Variants in PRKCA observed in about 807,000 individuals in gnomAD.
PRKCA encodes protein kinase C alpha.
A neutral mutation model predicts 87.0 loss-of-function variants in PRKCA; 27 were observed. That is an observed-to-expected ratio of 0.31 (90% CI 0.23 to 0.43). The LOEUF is 0.43. PRKCA is among the 20% of genes least tolerant of loss of function. PRKCA has a pLI of 1.00. For missense variants in PRKCA, 518 were observed against 852.3 expected (o/e 0.61, Z 4.88); for synonymous variants, 329 against 311.1 (o/e 1.06, Z -0.61).
chr17:66,681,645 A>G (rs1318342097), intron 5 of PRKCA, among the ~76,000 whole-genome samples: 1 of 152,208 alleles, frequency 6.6e-6, no homozygotes, highest in Non-Finnish European at 1.5e-5. Flanking sequence ...ACAGATGAAT[A>G]AACTGCGAAG....
chr17:66,609,526 C>G (rs1216136567), intron 3 of PRKCA, among the ~76,000 whole-genome samples: 1 of 152,212 alleles, frequency 6.6e-6, no homozygotes, highest in Non-Finnish European at 1.5e-5. Flanking sequence ...TTCTAAAGCT[C>G]TTTACCACAG....
chr17:66,702,130 A>C lies in PRKCA; in HGVS notation c.918+13083A>C, dbSNP rs191197399. ...ATACATATCTCATTTATGTGTGTGC[A>C]TATTCATATATATATATATACACAC... On this transcript the variant is annotated intron_variant, in intron 8 of 16. Coordinates refer to ENST00000413366, the MANE Select transcript of PRKCA (RefSeq NM_002737.3). Among the ~76,000 whole-genome samples, 5 of 152,098 alleles carry C rather than the reference A, an allele frequency of 3.3e-5. No homozygotes were observed. The East Asian group carries it at 9.6e-4, about 29-fold the overall frequency.
At chr17:66,699,502 C>T (rs1381180821) in intron 8 of PRKCA, among the ~76,000 whole-genome samples, 1 of 152,160 alleles carries the variant, frequency 6.6e-6, no homozygotes, top group Non-Finnish European at 1.5e-5. Flanking sequence ...TCTGAGTAGG[C>T]CAATAATGAG....
intron 2 of PRKCA, among the ~76,000 whole-genome samples, chr17:66,424,897 G>A (rs1270756640): frequency 6.6e-6 from 1 of 151,864 alleles, no homozygotes; most frequent in Non-Finnish European, 1.5e-5. Context: ...CTACAGTCCT[G>A]CACCACCGTG....
Position 66,302,812 on chromosome 17 carries a change from G to A in PRKCA, c.-40G>A, listed in dbSNP as rs1169708171. 6.9e-6 allele frequency: 8 copies of A among 1,163,816 alleles called. 1 individual carries two copies. In the African/African-American group the frequency reaches 1.3e-4, roughly 19 times the overall value. 72.1% of individuals were successfully genotyped at this position (1,163,816 alleles called of 1,614,324 possible). A position where few individuals can be genotyped will look rare whatever the true frequency, so the allele number is the denominator to read the frequency against. ...CCCGCCCACCCGGCCCTCCGCGGCC[G>A]CAGCTCCCCGGCGGAGGCAAGAGGT... On this transcript the variant is annotated 5_prime_UTR_variant, in exon 1 of 17. Coordinates refer to ENST00000413366, the MANE Select transcript of PRKCA (RefSeq NM_002737.3).
chr17:66,386,103 A>G (rs1036526226), intron 2 of PRKCA, among the ~76,000 whole-genome samples: 1 of 151,960 alleles, frequency 6.6e-6, no homozygotes, highest in African/African-American at 2.4e-5. Flanking sequence ...CTATAGGTTC[A>G]TTTTGCAGAT....
At chr17:66,795,785 A>C (rs1975651596) in intron 16 of PRKCA, among the ~76,000 whole-genome samples, 1 of 152,218 alleles carries the variant, frequency 6.6e-6, no homozygotes, top group Non-Finnish European at 1.5e-5. Context: ...AAATCCTCTA[A>C]ATCTGGCCAT....
At chr17:66,781,378 TG>T (rs1292453614) in intron 14 of PRKCA, among the ~76,000 whole-genome samples, 1 of 152,144 alleles carries the variant, frequency 6.6e-6, no homozygotes, top group Non-Finnish European at 1.5e-5. Context: ...AAGACTGTGA[TG>T]GCAGCTGCTC....
intron 3 of PRKCA, among the ~76,000 whole-genome samples, chr17:66,532,714 C>G (rs952866337): frequency 4.6e-5 from 7 of 152,134 alleles, no homozygotes; most frequent in African/African-American, 1.2e-4. Context: ...TGGGGTAAAA[C>G]CCTACTGCAA....
At chr17:66,769,652 T>C (rs1470427311) in intron 13 of PRKCA, among the ~76,000 whole-genome samples, 1 of 152,182 alleles carries the variant, frequency 6.6e-6, no homozygotes, top group Admixed American at 6.5e-5. Flanking sequence ...AATTTTATAA[T>C]TTGCAGCTCT....
intron 5 of PRKCA, 52 bp downstream of exon 5, chr17:66,645,563 G>T: frequency 6.2e-7 from 1 of 1,608,304 alleles, no homozygotes; most frequent in South Asian, 1.1e-5. Flanking sequence ...TTGGATGAAG[G>T]TTACACTGAT....
At chr17:66,785,182 C>T (rs888815552) in intron 14 of PRKCA, among the ~76,000 whole-genome samples, 24 of 152,072 alleles carry the variant, frequency 1.6e-4, no homozygotes, top group African/African-American at 5.8e-4. Context: ...GGCTCCTGTC[C>T]AGGACTGGGC....
intron 2 of PRKCA, among the ~76,000 whole-genome samples, chr17:66,484,513 T>C (rs1915918150): frequency 6.6e-6 from 1 of 152,204 alleles, no homozygotes; most frequent in South Asian, 2.1e-4. Context: ...AAGTAACTTA[T>C]TTCCCAGGTT....
chr17:66,652,524 G>A (rs1301021392), intron 5 of PRKCA, among the ~76,000 whole-genome samples: 1 of 152,026 alleles, frequency 6.6e-6, no homozygotes, highest in Non-Finnish European at 1.5e-5. Flanking sequence ...CTTCCAAATG[G>A]TTCAACAAAA....
At chr17:66,612,552 A>T (rs897684658) in intron 3 of PRKCA, among the ~76,000 whole-genome samples, 1 of 152,144 alleles carries the variant, frequency 6.6e-6, no homozygotes, top group African/African-American at 2.4e-5. Context: ...GCACACACAG[A>T]ATCCTGAATC....
chr17:66,424,847 T>C (rs1912706120), intron 2 of PRKCA, among the ~76,000 whole-genome samples: 1 of 149,942 alleles, frequency 6.7e-6, no homozygotes, highest in Non-Finnish European at 1.5e-5. Context: ...CCACCCGGGC[T>C]CAAGCGATTC....
intron 2 of PRKCA, among the ~76,000 whole-genome samples, chr17:66,481,965 G>GT (rs1374780209): frequency 6.6e-6 from 1 of 151,932 alleles, no homozygotes; most frequent in African/African-American, 2.4e-5. Flanking sequence ...GCTGGGTGCG[G>GT]TGGTGGGCAC....
chr17:66,775,364 C>A (rs559951765), intron 14 of PRKCA: 6 of 984,888 alleles, frequency 6.1e-6, no homozygotes, highest in Non-Finnish European at 7.2e-6. Context: ...ATCTTAGGGG[C>A]CGGCCTAGAA....
rs575983721 is a variant in PRKCA at position 66,807,513 on chromosome 17, C to G, written c.*3476C>G. On this transcript the variant is annotated 3_prime_UTR_variant, in exon 17 of 17. Coordinates refer to ENST00000413366, the MANE Select transcript of PRKCA (RefSeq NM_002737.3). This position sits in a 1 kb window ranked among gnomAD's most constrained non-coding sequence, Gnocchi z 4.3. ...CTAATTCAAAAGGCAGATCAGAAAC[C>G]ACAGGAGTCAAAATTATTGCTCCGG... 1.7e-4 allele frequency: 26 copies of G among 152,356 alleles called. No individual in the cohort carries two copies. The highest frequency in any genetic ancestry group is 5.5e-4 in the African/African-American group (23 of 41,584). 9.4% of individuals were successfully genotyped at this position (152,356 alleles called of 1,614,324 possible). A position where few individuals can be genotyped will look rare whatever the true frequency, so the allele number is the denominator to read the frequency against.
Sources: allele counts gnomAD v4.1 joint callset (sites outside exome capture counted in the v4.1 genomes callset), GRCh38; gene constraint gnomAD v4.1.1; non-coding constraint Gnocchi (gnomAD v3.1); transcripts MANE v1.5; gene names NCBI Gene and HGNC (gene_info 2026-07-23, HGNC 2026-07-21).